KCTD5: variants seen among roughly 807,000 people sequenced by gnomAD.
The protein encoded by KCTD5 is potassium channel tetramerization domain containing 5, also known as BTB/POZ domain-containing protein KCTD5.
A neutral mutation model predicts 27.9 loss-of-function variants in KCTD5; 12 were observed. That is an observed-to-expected ratio of 0.43 (90% CI 0.28 to 0.70). The LOEUF is 0.70. KCTD5 is among the 30% of genes least tolerant of loss of function. The probability of loss-of-function intolerance (pLI) is 0.19; values close to 1 mark genes in which losing one functional copy is unlikely to be tolerated. For missense variants in KCTD5, 226 were observed against 274.8 expected (o/e 0.82, Z 1.26); for synonymous variants, 147 against 121.4 (o/e 1.21, Z -1.39).
rs1465822298 is a variant in KCTD5, at chr16:2,689,424, G to A, written c.253-6511G>A. The stretch of plus-strand genomic sequence containing the variant: ...GGTGCACAGGAAATTCTATGCCTTC[G>A]CGTCTAGATTTCTGTGGGGCAATTT... On this transcript the variant is annotated intron_variant, in intron 1 of 5. Coordinates refer to ENST00000301738, the MANE Select transcript of KCTD5 (RefSeq NM_018992.4). Among the ~76,000 whole-genome samples, 14 of 112,484 alleles carry A rather than the reference G, an allele frequency of 1.2e-4. No individual in the cohort carries two copies. In the Admixed American group the frequency reaches 1.4e-3, roughly 11 times the overall value. The allele number at this position is 112,484 out of a possible 152,430, so 73.8% of individuals were successfully genotyped here. A position where few individuals can be genotyped will look rare whatever the true frequency, so the allele number is the denominator to read the frequency against.
rs1393296371 is a variant in KCTD5 at position 2,705,046 on chromosome 16, G to A, written c.676-2252G>A. 5.3e-5 allele frequency among the ~76,000 whole-genome samples: 8 copies of A among 152,304 alleles called. No homozygotes were observed. In the East Asian group the frequency reaches 9.6e-4, roughly 18 times the overall value. On this transcript the variant is annotated intron_variant, in intron 5 of 5. Transcript: ENST00000301738. ...GGCGTGGCCTCACTGGAAGGTCACC[G>A]GGCGTGGGGGTTTGGGCCCGGGGCA...
intron 4 of KCTD5, among the ~76,000 whole-genome samples, chr16:2,700,939 A>C (rs1381221058): frequency 6.6e-6 from 1 of 151,666 alleles, no homozygotes; most frequent in African/African-American, 2.4e-5. Context: ...CCTGCCCTGC[A>C]CCTCATCAGA....
chr16:2,697,126 T>G (rs2067590069), intron 2 of KCTD5: 1 of 152,460 alleles, frequency 6.6e-6, no homozygotes, highest in Non-Finnish European at 1.5e-5. Flanking sequence ...CCTGTGTCTC[T>G]GAGGCCCTCG....
At chr16:2,702,574 T>G (rs2067617178) in intron 5 of KCTD5, 96 bp downstream of exon 5, 1 of 1,479,066 alleles carries the variant, frequency 6.8e-7, no homozygotes, top group Non-Finnish European at 9.0e-7. Flanking sequence ...CTCATCAAGC[T>G]CCCGGTGTCC....
rs1292139115 is a variant in KCTD5, at chr16:2,702,461, C to T, written c.658C>T (p.Pro220Ser). 1.2e-6 allele frequency: 2 copies of T among 1,613,024 alleles called. No homozygotes were observed. The highest frequency in any genetic ancestry group is 1.7e-6 in the Non-Finnish European group (2 of 1,179,920). Reference sequence around the variant, plus strand: ...CACCCCGTACGGTACGGCCAGCGAGCCCAGCGAGAAGGCCAAGGTGAGTGC... The same window carrying T: ...CACCCCGTACGGTACGGCCAGCGAGTCCAGCGAGAAGGCCAAGGTGAGTGC... ...HNTPYGTASE[P>S]SEKAKILQER... The change falls in exon 5 of 6, where the codon CCC becomes TCC. Residue 220 changes from proline to serine, a missense_variant. Coordinates refer to ENST00000301738, the MANE Select transcript of KCTD5 (RefSeq NM_018992.4).
At chr16:2,684,035 A>G (rs2067529515) in intron 1 of KCTD5, 1 of 150,542 alleles carries the variant, frequency 6.6e-6, no homozygotes, top group Admixed American at 6.6e-5. Context: ...CAGAGAATTG[A>G]CCTCCCAGGA....
At chr16:2,701,706 T>G (rs1013865777) in intron 4 of KCTD5, among the ~76,000 whole-genome samples, 3 of 152,246 alleles carry the variant, frequency 2.0e-5, no homozygotes, top group Non-Finnish European at 2.9e-5. Context: ...GCTGCTGTCA[T>G]GCTTATTGTG....
At chr16:2,682,822 C>T (rs1283281178) in intron 1 of KCTD5, 22 bp downstream of exon 1, 1 of 1,572,952 alleles carries the variant, frequency 6.4e-7, no homozygotes, top group Non-Finnish European at 8.6e-7. Flanking sequence ...ACGGGCCAGC[C>T]CGGAGGGTCC....
intron 1 of KCTD5, chr16:2,683,525 G>C (rs1323284307): frequency 6.6e-6 from 1 of 151,488 alleles, no homozygotes. Context: ...GGAATTTCCA[G>C]GTTAGTTTGC....
chr16:2,687,031 C>T (rs868233280), intron 1 of KCTD5, among the ~76,000 whole-genome samples: 2 of 152,190 alleles, frequency 1.3e-5, no homozygotes, highest in African/African-American at 2.4e-5. Flanking sequence ...TCGCTCTGAC[C>T]ACAAGTCATC....
chr16:2,690,588 C>T (rs995496366), intron 1 of KCTD5, among the ~76,000 whole-genome samples: 1 of 152,220 alleles, frequency 6.6e-6, no homozygotes, highest in African/African-American at 2.4e-5. Context: ...TTGTGTAAGC[C>T]GTGGAACGTA....
At chr16:2,692,794 G>T (rs1452945150) in intron 1 of KCTD5, among the ~76,000 whole-genome samples, 1 of 152,210 alleles carries the variant, frequency 6.6e-6, no homozygotes, top group African/African-American at 2.4e-5. Context: ...CCCCAACTTT[G>T]CTCCAAGATC....
At position 2,702,367 on chromosome 16, in the gene KCTD5, C is replaced by T. The variant is rs773729295; in HGVS notation, c.564C>T (p.Gly188=). ...TCTCCTTGCAGTTGGTCAGCATCGG[C>T]TCCTCTTACAACTATGGGAACGAAG... ...GWKFEQLVSI[G]SSYNYGNEDQ... is the part of the protein sequence containing the mutation. Residue 188 remains glycine (G), a synonymous_variant, in exon 5 of 6, where the codon GGC becomes GGT. Coordinates refer to ENST00000301738, the MANE Select transcript of KCTD5 (RefSeq NM_018992.4). 7 of 1,613,546 alleles carry T rather than the reference C, an allele frequency of 4.3e-6. No homozygotes were observed. The highest frequency in any genetic ancestry group is 2.2e-5 in the South Asian group (2 of 91,084).
At chr16:2,705,577 C>T (rs1219715857) in intron 5 of KCTD5, among the ~76,000 whole-genome samples, 1 of 152,150 alleles carries the variant, frequency 6.6e-6, no homozygotes, top group Non-Finnish European at 1.5e-5. Context: ...AGACAGCAGA[C>T]CCCTATCTCA....
At chr16:2,705,723 T>G (rs1315986953) in intron 5 of KCTD5, among the ~76,000 whole-genome samples, 2 of 152,148 alleles carry the variant, frequency 1.3e-5, no homozygotes, top group African/African-American at 4.8e-5. Context: ...GGCCCCCTGG[T>G]TGGTGTCTGC....
Position 2,699,715 on chromosome 16 carries a change from A to G in KCTD5, c.454-106A>G, listed in dbSNP as rs571083653. On this transcript the variant is annotated intron_variant, in intron 3 of 5. Coordinates refer to ENST00000301738, the MANE Select transcript of KCTD5 (RefSeq NM_018992.4). ...GCTTTGGGCCTCGTGCCCTGTGCTG[A>G]GAACTGCAGAGTGGACCTCAGCCTC... 17 of 961,906 alleles carry G rather than the reference A, an allele frequency of 1.8e-5. No individual in the cohort carries two copies. The East Asian group carries it at 4.1e-4, about 23-fold the overall frequency. The allele number at this position is 961,906 out of a possible 1,614,324, so 59.6% of individuals were successfully genotyped here. A position where few individuals can be genotyped will look rare whatever the true frequency, so the allele number is the denominator to read the frequency against.
chr16:2,697,970 T>G lies in KCTD5; in HGVS notation c.426T>G (p.Ile142Met). The G allele has an allele frequency of 6.2e-7, 1 of 1,612,240 alleles. No individual in the cohort carries two copies. Among genetic ancestry groups the G allele is most frequent in the Non-Finnish European group, 8.5e-7 (1 of 1,178,442 alleles). Reference protein sequence around the residue: ...TSLIKLVKDKIRERDSKTSQV... With the variant: ...TSLIKLVKDKMRERDSKTSQV... Reference sequence around the variant, plus strand: ...TAATAAAACTTGTAAAGGACAAAATTAGAGAACGAGACAGCAAAACATCGC... The same window carrying G: ...TAATAAAACTTGTAAAGGACAAAATGAGAGAACGAGACAGCAAAACATCGC... Residue 142 changes from isoleucine to methionine, a missense_variant, in exon 3 of 6, where the codon ATT (isoleucine) becomes ATG (methionine). Coordinates refer to ENST00000301738, the MANE Select transcript of KCTD5 (RefSeq NM_018992.4).
intron 5 of KCTD5, among the ~76,000 whole-genome samples, chr16:2,706,916 G>A (rs973364361): frequency 4.0e-5 from 6 of 151,774 alleles, no homozygotes; most frequent in Admixed American, 6.6e-5. Context: ...GGCTGCAGTG[G>A]GCATGGAGGA....
chr16:2,708,781 G>A lies in KCTD5; in HGVS notation c.*1454G>A, dbSNP rs1001804064. The A allele has an allele frequency of 2.0e-5, 3 of 152,234 alleles. No homozygotes were observed. The highest frequency in any genetic ancestry group is 4.4e-5 in the Non-Finnish European group (3 of 68,050). 9.4% of individuals were successfully genotyped at this position (152,234 alleles called of 1,614,324 possible). A position where few individuals can be genotyped will look rare whatever the true frequency, so the allele number is the denominator to read the frequency against. ...CCCCAGCAGAGCCTGGGAGGAAGGCGGCCGCTGGGGCTCCTGGGCATCCTC... is the reference window on the plus strand; with the variant it reads ...CCCCAGCAGAGCCTGGGAGGAAGGCAGCCGCTGGGGCTCCTGGGCATCCTC... On this transcript the variant is annotated 3_prime_UTR_variant, in exon 6 of 6. Coordinates refer to ENST00000301738, the MANE Select transcript of KCTD5 (RefSeq NM_018992.4).
Sources: gnomAD v4.1 joint callset for allele counts (sites outside exome capture counted in the v4.1 genomes callset) on GRCh38, gnomAD v4.1.1 for gene constraint, MANE v1.5 for transcripts, NCBI Gene and HGNC (gene_info 2026-07-23, HGNC 2026-07-21) for gene names.